EMB: variants seen among roughly 807,000 people sequenced by gnomAD.
EMB encodes the protein embigin homolog.
A neutral mutation model predicts 41.4 loss-of-function variants in EMB; 31 were observed. The ratio of observed to expected loss-of-function variants is 0.75; its 90% CI spans 0.56 to 1.01. The LOEUF is 1.01. EMB is among the 50% of genes least tolerant of loss of function. EMB has a pLI of 0.00. For synonymous variants in EMB, 137 were observed against 140.4 expected, an observed-to-expected ratio of 0.98 and a Z score of 0.17; for missense variants, 379 against 388.3, an observed-to-expected ratio of 0.98 and a Z score of 0.20.
At chr5:50,429,657 G>A (rs1745680640) in intron 1 of EMB, among the ~76,000 whole-genome samples, 5 of 151,944 alleles carry the variant, frequency 3.3e-5, no homozygotes, top group Admixed American at 3.3e-4. Flanking sequence ...TGCACATTCT[G>A]CACATGTATC....
intron 2 of EMB, among the ~76,000 whole-genome samples, chr5:50,416,975 G>T (rs1331281861): frequency 6.6e-6 from 1 of 152,226 alleles, no homozygotes; most frequent in East Asian, 1.9e-4. Context: ...AACTGGCCCT[G>T]AGCTGCTACT....
At chr5:50,434,580 G>C (rs552983693) in intron 1 of EMB, among the ~76,000 whole-genome samples, 2 of 152,252 alleles carry the variant, frequency 1.3e-5, no homozygotes, top group Admixed American at 1.3e-4. Context: ...AGCACTTTGG[G>C]CTTCAAGATC....
chr5:50,435,235 C>T (rs139384167), intron 1 of EMB, among the ~76,000 whole-genome samples: 79 of 152,210 alleles, frequency 5.2e-4, no homozygotes, highest in African/African-American at 1.6e-3. Flanking sequence ...TGCTTCATGC[C>T]CCACTAAAAC....
chr5:50,410,041 CT>C (rs1271574861), intron 4 of EMB, among the ~76,000 whole-genome samples: 10 of 152,128 alleles, frequency 6.6e-5, no homozygotes, highest in African/African-American at 2.4e-4. Flanking sequence ...TTGATGGAGC[CT>C]TGAGAATAGC....
intron 2 of EMB, among the ~76,000 whole-genome samples, chr5:50,425,757 C>T (rs1174618615): frequency 4.7e-5 from 5 of 105,754 alleles, no homozygotes; most frequent in African/African-American, 1.0e-4. Flanking sequence ...AATCTCGGCT[C>T]GCTGCAACCT....
intron 2 of EMB, among the ~76,000 whole-genome samples, chr5:50,426,389 T>G (rs1294806881): frequency 6.6e-6 from 1 of 152,244 alleles, no homozygotes; most frequent in East Asian, 1.9e-4. Context: ...ATCATGAGTT[T>G]GTTAATAATT....
At chr5:50,402,075 G>C (rs547141017) in intron 7 of EMB, among the ~76,000 whole-genome samples, 38 of 151,976 alleles carry the variant, frequency 2.5e-4, no homozygotes, top group African/African-American at 8.7e-4. Context: ...AGAGAAGAAA[G>C]CTGAAGTACA....
rs934207802 is a variant in EMB, at chr5:50,411,386, A to G, written c.197-3T>C. The G allele has an allele frequency of 1.0e-5, 16 of 1,577,574 alleles. No individual in the cohort carries two copies. Among genetic ancestry groups the G allele is most frequent in the Non-Finnish European group, 1.2e-5 (14 of 1,159,476 alleles). Reference sequence around the variant, plus strand: ...TTCTACTGGCATACTAGAATGTTCTATTAGCACAAAAGAGGACAAAATGTG... The same window carrying G: ...TTCTACTGGCATACTAGAATGTTCTGTTAGCACAAAAGAGGACAAAATGTG... On this transcript the variant is annotated splice_region_variant and splice_polypyrimidine_tract_variant and intron_variant, in intron 2 of 8. Coordinates refer to ENST00000303221, the MANE Select transcript of EMB (RefSeq NM_198449.3).
chr5:50,436,087 A>G (rs1745798406), intron 1 of EMB, among the ~76,000 whole-genome samples: 1 of 152,208 alleles, frequency 6.6e-6, no homozygotes, highest in South Asian at 2.1e-4. Flanking sequence ...CTGGGTGCTA[A>G]GTATACTCAT....
chr5:50,436,639 CG>C (rs1430660166), intron 1 of EMB, among the ~76,000 whole-genome samples: 1 of 152,190 alleles, frequency 6.6e-6, no homozygotes, highest in Non-Finnish European at 1.5e-5. Flanking sequence ...TCAAGCTGCC[CG>C]CTGCAGGAGC....
At chr5:50,429,321 AT>A (rs1335328871) in intron 1 of EMB, among the ~76,000 whole-genome samples, 1 of 152,236 alleles carries the variant, frequency 6.6e-6, no homozygotes, top group Non-Finnish European at 1.5e-5. Flanking sequence ...TGGCTGCATT[AT>A]TTAAATTAAA....
upstream of EMB, chr5:50,443,036 A>G (rs909790339): frequency 1.3e-5 from 2 of 151,304 alleles, no homozygotes; most frequent in African/African-American, 4.9e-5. Context: ...TTTGCTAAGC[A>G]TTTTGAAAGT....
intron 2 of EMB, among the ~76,000 whole-genome samples, chr5:50,427,873 G>A (rs1368003194): frequency 1.3e-5 from 2 of 152,104 alleles, no homozygotes; most frequent in Admixed American, 6.5e-5. Flanking sequence ...AAGAGTATCT[G>A]CAAATCAAAA....
chr5:50,437,637 A>C (rs1348975780), intron 1 of EMB, among the ~76,000 whole-genome samples: 2 of 151,848 alleles, frequency 1.3e-5, no homozygotes, highest in Non-Finnish European at 2.9e-5. Context: ...TAAAGGTAAA[A>C]ACTGCCAGCA....
chr5:50,414,321 T>C (rs953173138), intron 2 of EMB, among the ~76,000 whole-genome samples: 13 of 151,724 alleles, frequency 8.6e-5, no homozygotes, highest in African/African-American at 3.2e-4. Context: ...GCACAGGCAT[T>C]CCAGACCAGC....
rs748365604 is a variant in EMB at position 50,428,111 on chromosome 5, C to T, written c.196+33G>A. 2.4e-5 allele frequency: 36 copies of T among 1,488,178 alleles called. 1 individual carries two copies. In the Admixed American group the frequency reaches 3.3e-4, roughly 14 times the overall value. 92.2% of individuals were successfully genotyped at this position (1,488,178 alleles called of 1,614,324 possible). ...GAAAAATTGCTTAAACCCTTTTTTT[C>T]GAATTGCATTATTTGAAACATGATA... On this transcript the variant is annotated intron_variant, in intron 2 of 8. Transcript: ENST00000303221.
At chr5:50,401,593 C>T (rs939405259) in intron 7 of EMB, among the ~76,000 whole-genome samples, 3 of 151,950 alleles carry the variant, frequency 2.0e-5, no homozygotes, top group Non-Finnish European at 2.9e-5. Flanking sequence ...TCGAGGAATT[C>T]GGAACTCCCA....
intron 1 of EMB, among the ~76,000 whole-genome samples, chr5:50,430,505 C>T (rs1441504989): frequency 2.0e-5 from 3 of 152,130 alleles, no homozygotes; most frequent in African/African-American, 7.2e-5. Context: ...CACAGTATCT[C>T]ATGCACACTT....
At chr5:50,414,050 G>A (rs1483465479) in intron 2 of EMB, among the ~76,000 whole-genome samples, 1 of 152,140 alleles carries the variant, frequency 6.6e-6, no homozygotes, top group Non-Finnish European at 1.5e-5. Flanking sequence ...AAGCAAGAAA[G>A]TGACTGCATA....
Sources: gnomAD v4.1 joint callset for allele counts (sites outside exome capture counted in the v4.1 genomes callset) on GRCh38, gnomAD v4.1.1 for gene constraint, MANE v1.5 for transcripts, NCBI Gene and HGNC (gene_info 2026-07-23, HGNC 2026-07-21) for gene names.